Variants in IRAK1BP1 observed in about 807,000 individuals in gnomAD.
The protein encoded by IRAK1BP1 is interleukin 1 receptor associated kinase 1 binding protein 1.
Under a neutral mutation model 28.0 loss-of-function variants are expected in IRAK1BP1, and 24 were observed. The ratio of observed to expected loss-of-function variants is 0.86; its 90% CI spans 0.62 to 1.20. IRAK1BP1 has a LOEUF of 1.20. IRAK1BP1 is among the 50% of genes most tolerant of loss of function. The pLI, the probability that IRAK1BP1 is intolerant of heterozygous loss-of-function variation, is 0.00. For missense variants in IRAK1BP1, 336 were observed against 316.7 expected, an observed-to-expected ratio of 1.06 and a Z score of -0.46; for synonymous variants, 131 against 116.3, an observed-to-expected ratio of 1.13 and a Z score of -0.81.
intron 4 of IRAK1BP1, among the ~76,000 whole-genome samples, chr6:78,933,223 GTA>G (rs942422687): frequency 5.3e-5 from 8 of 152,186 alleles, no homozygotes; most frequent in African/African-American, 1.9e-4. Context: ...TTGAAAATTT[GTA>G]TAGATTTTCA....
chr6:78,914,565 ATT>A (rs1562096093), intron 4 of IRAK1BP1, among the ~76,000 whole-genome samples: 1 of 152,078 alleles, frequency 6.6e-6, no homozygotes, highest in African/African-American at 2.4e-5. Context: ...CATGTCTTCT[ATT>A]TTTTTGGTTG....
the IRAK1BP1 span, among the ~76,000 whole-genome samples, chr6:78,960,472 A>G: frequency 4.0e-5 from 6 of 149,380 alleles, no homozygotes; most frequent in South Asian, 1.3e-3. Flanking sequence ...TTTTTCTCTT[A>G]AACTTCCAAC....
chr6:78,902,955 T>C lies in IRAK1BP1; in HGVS notation c.*4621T>C, dbSNP rs1347846013. On this transcript the variant is annotated 3_prime_UTR_variant, in exon 4 of 4. Coordinates refer to ENST00000369940, the MANE Select transcript of IRAK1BP1 (RefSeq NM_001010844.4). ...TCTACTATTAAAACAATAAAACTCTTATAAACCTGTTTATCAGAAGGATAT... is the reference window on the plus strand; with the variant it reads ...TCTACTATTAAAACAATAAAACTCTCATAAACCTGTTTATCAGAAGGATAT... 1 of 1,073,404 alleles carries C rather than the reference T, an allele frequency of 9.3e-7. No homozygotes were observed. The highest frequency in any genetic ancestry group is 1.6e-5 in the African/African-American group (1 of 63,916). 66.5% of individuals were successfully genotyped at this position (1,073,404 alleles called of 1,614,324 possible). A position where few individuals can be genotyped will look rare whatever the true frequency, so the allele number is the denominator to read the frequency against.
chr6:78,958,778 A>G, the IRAK1BP1 span, among the ~76,000 whole-genome samples: 1 of 152,204 alleles, frequency 6.6e-6, no homozygotes, highest in South Asian at 2.1e-4. Flanking sequence ...GGAAAAAAAG[A>G]GGGGCAACCA....
rs1233110411 is a variant in IRAK1BP1 at position 78,903,027 on chromosome 6, C to T, written c.*4693C>T. 6.5e-7 allele frequency: 1 copy of T among 1,532,504 alleles called. No homozygotes were observed. 94.9% of individuals were successfully genotyped at this position (1,532,504 alleles called of 1,614,324 possible). A position where few individuals can be genotyped will look rare whatever the true frequency, so the allele number is the denominator to read the frequency against. On this transcript the variant is annotated 3_prime_UTR_variant, in exon 4 of 4. Coordinates refer to ENST00000369940, the MANE Select transcript of IRAK1BP1 (RefSeq NM_001010844.4). ...AATCCTTCTTCAACATCCCAACCAA[C>T]AATTACTCCCAGATAGCCATGTCAC... is the stretch of plus-strand genomic sequence containing the variant.
chr6:78,872,322 G>A (rs759608809), intron 1 of IRAK1BP1, among the ~76,000 whole-genome samples: 1 of 152,136 alleles, frequency 6.6e-6, no homozygotes, highest in Non-Finnish European at 1.5e-5. Context: ...TTTGTCTTAG[G>A]ATATGTTTCT....
intron 4 of IRAK1BP1, among the ~76,000 whole-genome samples, chr6:78,932,931 G>T (rs1009852627): frequency 2.0e-5 from 3 of 152,020 alleles, no homozygotes; most frequent in African/African-American, 7.3e-5. Flanking sequence ...TGGAAAGCAG[G>T]TCTTAACAAT....
chr6:78,946,573 C>T (rs1773830646), downstream of IRAK1BP1: 3 of 1,397,520 alleles, frequency 2.1e-6, no homozygotes, highest in South Asian at 1.7e-5. Flanking sequence ...TAAAAATCCT[C>T]CACATCATAG....
intron 4 of IRAK1BP1, chr6:78,941,347 G>T: frequency 6.3e-7 from 1 of 1,585,612 alleles, no homozygotes; most frequent in African/African-American, 1.4e-5. Flanking sequence ...GGGAACAACA[G>T]TACACTTAAT....
chr6:78,874,269 T>C (rs1562074809), intron 1 of IRAK1BP1, among the ~76,000 whole-genome samples: 1 of 152,166 alleles, frequency 6.6e-6, no homozygotes, highest in Admixed American at 6.5e-5. Context: ...TTTAACCTAA[T>C]CCTATAGCAA....
intron 2 of IRAK1BP1, 106 bp from the exon 3 acceptor site, chr6:78,897,723 A>C: frequency 1.2e-6 from 1 of 861,430 alleles, no homozygotes. Context: ...GTTACATACT[A>C]TAAAATGACC....
exon 5 of IRAK1BP1, chr6:78,945,701 C>T: frequency 1.7e-6 from 1 of 603,538 alleles, no homozygotes; most frequent in East Asian, 2.9e-5. Context: ...GAAGCTGTCC[C>T]ATCATTTCAA....
At chr6:78,883,472 TAA>T (rs1771303579) in intron 1 of IRAK1BP1, among the ~76,000 whole-genome samples, 1 of 152,202 alleles carries the variant, frequency 6.6e-6, no homozygotes, top group African/African-American at 2.4e-5. Flanking sequence ...AAAACACTAT[TAA>T]AAACAAAAAT....
At chr6:78,932,042 A>G (rs543631264) in intron 4 of IRAK1BP1, among the ~76,000 whole-genome samples, 1 of 152,298 alleles carries the variant, frequency 6.6e-6, no homozygotes, top group Non-Finnish European at 1.5e-5. Flanking sequence ...TCTTCACCAA[A>G]AGTAGATTTA....
chr6:78,880,346 T>C (rs1365033758), intron 1 of IRAK1BP1, among the ~76,000 whole-genome samples: 2 of 152,234 alleles, frequency 1.3e-5, no homozygotes, highest in Non-Finnish European at 2.9e-5. Flanking sequence ...ATCATGTTTG[T>C]GCTTAAAAAC....
intron 1 of IRAK1BP1, among the ~76,000 whole-genome samples, chr6:78,879,747 G>A (rs888671551): frequency 3.3e-5 from 5 of 151,988 alleles, no homozygotes; most frequent in Admixed American, 6.6e-5. Context: ...AGAGTCAGTA[G>A]TACATGTCAG....
chr6:78,912,721 TA>T (rs951886636), intron 4 of IRAK1BP1, among the ~76,000 whole-genome samples: 1 of 152,080 alleles, frequency 6.6e-6, no homozygotes, highest in African/African-American at 2.4e-5. Context: ...TATATAGCAA[TA>T]AAAATGAATG....
At chr6:78,869,817 A>G (rs1047502543) in intron 1 of IRAK1BP1, among the ~76,000 whole-genome samples, 1 of 152,148 alleles carries the variant, frequency 6.6e-6, no homozygotes, top group African/African-American at 2.4e-5. Context: ...TGCTTAAAAG[A>G]TGGAGCCTGA....
chr6:78,895,063 G>A (rs776927861), intron 2 of IRAK1BP1, among the ~76,000 whole-genome samples: 4 of 151,260 alleles, frequency 2.6e-5, no homozygotes, highest in African/African-American at 4.9e-5. Flanking sequence ...AGCCGAGATC[G>A]TGCCATTGCA....
Sources: allele counts gnomAD v4.1 joint callset (sites outside exome capture counted in the v4.1 genomes callset), GRCh38; gene constraint gnomAD v4.1.1; transcripts MANE v1.5; gene names NCBI Gene and HGNC (gene_info 2026-07-23, HGNC 2026-07-21).